PCDH15: variants seen among roughly 807,000 people sequenced by gnomAD.
PCDH15 encodes protocadherin related 15, also known as protocadherin-15.
In PCDH15, 129 loss-of-function variants were observed where a neutral mutation model predicts 178.5. The ratio of observed to expected loss-of-function variants is 0.72; its 90% CI spans 0.63 to 0.84. The LOEUF is 0.84. Among genes scored for constraint, PCDH15 ranks in the 40% least tolerant of loss-of-function variants. The pLI is 0.00. For missense variants in PCDH15, 2,230 were observed against 2,099.9 expected, an observed-to-expected ratio of 1.06 and a Z score of -1.21; for synonymous variants, 800 against 732.0, an observed-to-expected ratio of 1.09 and a Z score of -1.50.
chr10:54,167,061 T>A (rs972984653), intron 13 of PCDH15, among the ~76,000 whole-genome samples: 6 of 152,156 alleles, frequency 3.9e-5, no homozygotes, highest in African/African-American at 1.4e-4. Context: ...TGCACCTGGG[T>A]GAAATAAACA....
chr10:54,038,112 A>G (rs927490072), intron 18 of PCDH15, among the ~76,000 whole-genome samples: 17 of 151,994 alleles, frequency 1.1e-4, no homozygotes, highest in African/African-American at 4.1e-4. Flanking sequence ...ATTATGACAC[A>G]CATAGGGAAT....
chr10:55,279,761 ATG>A (rs1289683182), intron 1 of PCDH15, among the ~76,000 whole-genome samples: 1 of 152,214 alleles, frequency 6.6e-6, no homozygotes, highest in African/African-American at 2.4e-5. Context: ...ATTGACAGAA[ATG>A]GGACTACAAT....
intron 3 of PCDH15, among the ~76,000 whole-genome samples, chr10:54,476,687 G>A (rs1194971824): frequency 6.6e-6 from 1 of 151,920 alleles, no homozygotes; most frequent in Non-Finnish European, 1.5e-5. Flanking sequence ...TTTCAATTTT[G>A]TGGTTATGTT....
chr10:53,977,737 G>A (rs1307333525), intron 21 of PCDH15, among the ~76,000 whole-genome samples: 2 of 152,154 alleles, frequency 1.3e-5, no homozygotes, highest in Admixed American at 1.3e-4. Flanking sequence ...TTCTGCTTAT[G>A]AGCCTGTGAA....
chr10:53,979,485 C>T (rs1187125049), intron 21 of PCDH15, among the ~76,000 whole-genome samples: 2 of 152,174 alleles, frequency 1.3e-5, no homozygotes, highest in East Asian at 1.9e-4. Context: ...CCATATCACC[C>T]TCTAAGAATT....
chr10:54,356,160 A>G (rs1024369318), intron 5 of PCDH15, among the ~76,000 whole-genome samples: 2 of 152,064 alleles, frequency 1.3e-5, no homozygotes, highest in African/African-American at 4.8e-5. Context: ...CATCACTACC[A>G]ATAATGAAAC....
intron 2 of PCDH15, among the ~76,000 whole-genome samples, chr10:55,146,601 G>T (rs1363703117): frequency 2.0e-5 from 3 of 151,852 alleles, no homozygotes; most frequent in African/African-American, 7.2e-5. Flanking sequence ...AACAAGTGTT[G>T]TATTAAGTTA....
At chr10:55,542,137 T>C (rs953236221) in intron 2 of PCDH15, among the ~76,000 whole-genome samples, 2 of 142,952 alleles carry the variant, frequency 1.4e-5, no homozygotes, top group African/African-American at 4.9e-5. Context: ...CAGTATTATA[T>C]ATATATGTCT....
At chr10:54,464,475 G>T (rs72792526) in intron 3 of PCDH15, among the ~76,000 whole-genome samples, 1,908 of 152,148 alleles carry the variant, frequency 0.013, 16 homozygotes, top group Admixed American at 0.02. Flanking sequence ...TATGCATTTT[G>T]GGGGAAATAT....
intron 15 of PCDH15, among the ~76,000 whole-genome samples, chr10:54,100,615 A>G (rs570208500): frequency 6.6e-6 from 1 of 152,290 alleles, no homozygotes; most frequent in Non-Finnish European, 1.5e-5. Context: ...TGCATTTACT[A>G]AACTCTTACT....
At chr10:55,131,476 G>A (rs796887745) in intron 2 of PCDH15, among the ~76,000 whole-genome samples, 18 of 152,288 alleles carry the variant, frequency 1.2e-4, no homozygotes, top group African/African-American at 4.3e-4. Context: ...GTGGAGGTAT[G>A]TTTCAGCCCT....
At chr10:55,453,161 A>G (rs1839472715) in intron 2 of PCDH15, among the ~76,000 whole-genome samples, 1 of 152,170 alleles carries the variant, frequency 6.6e-6, no homozygotes, top group Non-Finnish European at 1.5e-5. Flanking sequence ...CCTATGAAGC[A>G]TTTAGCCCTG....
At chr10:54,686,064 T>G (rs1463261939) in intron 1 of PCDH15, among the ~76,000 whole-genome samples, 6 of 150,396 alleles carry the variant, frequency 4.0e-5, no homozygotes, top group African/African-American at 7.3e-5. Context: ...TTTTTTGTAT[T>G]TTTAGTAGAG....
intron 2 of PCDH15, among the ~76,000 whole-genome samples, chr10:55,001,959 T>C (rs1839804978): frequency 6.6e-6 from 1 of 152,232 alleles, no homozygotes; most frequent in South Asian, 2.1e-4. Flanking sequence ...TGTGAGACTT[T>C]CTGGTAATTT....
intron 2 of PCDH15, among the ~76,000 whole-genome samples, chr10:54,945,392 G>T (rs1421797539): frequency 1.3e-5 from 2 of 150,636 alleles, no homozygotes; most frequent in African/African-American, 2.5e-5. Flanking sequence ...TAGATAGATA[G>T]ATATAAAAAC....
At chr10:54,185,741 T>C (rs554834468) in intron 11 of PCDH15, among the ~76,000 whole-genome samples, 3 of 152,132 alleles carry the variant, frequency 2.0e-5, no homozygotes, top group Admixed American at 1.3e-4. Context: ...TTACTTATAA[T>C]GCAAAATAGA....
chr10:54,612,684 A>G lies in PCDH15; in HGVS notation c.91+51488T>C, dbSNP rs1223161987. Among the ~76,000 whole-genome samples, 9 of 151,750 alleles carry G rather than the reference A, an allele frequency of 5.9e-5. No individual in the cohort carries two copies. In the Admixed American group the frequency reaches 5.9e-4, roughly 10 times the overall value. On this transcript the variant is annotated intron_variant, in intron 2 of 37. Coordinates refer to ENST00000644397, the MANE Select transcript of PCDH15 (RefSeq NM_001384140.1). ...CTCGACTTACTTATATAAGAAAAAT[A>G]AAACTGGTTGCAGAAATATAATTTA...
At chr10:53,900,020 G>GA (rs1164359099) in intron 26 of PCDH15, among the ~76,000 whole-genome samples, 13 of 150,758 alleles carry the variant, frequency 8.6e-5, no homozygotes, top group African/African-American at 2.4e-4. Context: ...TTTCACTTTG[G>GA]AAAAAAAAAT....
chr10:55,226,539 A>T (rs975666939), intron 1 of PCDH15, among the ~76,000 whole-genome samples: 2 of 151,640 alleles, frequency 1.3e-5, no homozygotes, highest in Admixed American at 6.6e-5. Flanking sequence ...CCACCACCAC[A>T]GTCGGCTAAT....
Sources: allele counts gnomAD v4.1 joint callset (sites outside exome capture counted in the v4.1 genomes callset), GRCh38; gene constraint gnomAD v4.1.1; transcripts MANE v1.5; gene names NCBI Gene and HGNC (gene_info 2026-07-23, HGNC 2026-07-21).